LRP1B: variants seen among roughly 807,000 people sequenced by gnomAD.
LRP1B encodes low-density lipoprotein receptor-related protein 1B.
LRP1B carries 217 observed loss-of-function variants against 556.6 expected under a neutral mutation model. The ratio of observed to expected loss-of-function variants is 0.39; its 90% CI spans 0.35 to 0.44. The LOEUF (loss-of-function observed/expected upper bound fraction) is 0.44, where lower values mean the gene tolerates loss of function less well. Ranked by LOEUF, LRP1B falls within the 20% of genes least tolerant of loss-of-function variation. The probability of loss-of-function intolerance (pLI) is 1.00; values close to 1 mark genes in which losing one functional copy is unlikely to be tolerated. For missense variants in LRP1B, 5,053 were observed against 5,620.8 expected (o/e 0.90, Z 3.23); for synonymous variants, 2,047 against 1,865.8 (o/e 1.10, Z -2.50).
At chr2:141,123,594 A>C (rs1198587820) in intron 7 of LRP1B, among the ~76,000 whole-genome samples, 1 of 152,172 alleles carries the variant, frequency 6.6e-6, no homozygotes, top group Non-Finnish European at 1.5e-5. Context: ...ATAATGATTA[A>C]GAGTTATATT....
chr2:140,773,391 C>G (rs12329269), intron 33 of LRP1B, among the ~76,000 whole-genome samples: 53,641 of 151,850 alleles, frequency 0.35, 9,573 homozygotes, highest in African/African-American at 0.42. Flanking sequence ...ACTGCTTGAA[C>G]CCAGGAGACA....
At chr2:140,303,986 A>G (rs1205717073) in intron 83 of LRP1B, among the ~76,000 whole-genome samples, 1 of 152,180 alleles carries the variant, frequency 6.6e-6, no homozygotes, top group Admixed American at 6.5e-5. Flanking sequence ...AAAAGAAATG[A>G]ACTCATCCTT....
At chr2:140,244,640 G>A (rs1034055662) in intron 87 of LRP1B, among the ~76,000 whole-genome samples, 1 of 151,096 alleles carries the variant, frequency 6.6e-6, no homozygotes, top group African/African-American at 2.4e-5. Context: ...AATTCCACAA[G>A]CTGCTTTTAG....
At chr2:140,842,372 C>A (rs1173423615) in intron 29 of LRP1B, among the ~76,000 whole-genome samples, 1 of 152,140 alleles carries the variant, frequency 6.6e-6, no homozygotes, top group African/African-American at 2.4e-5. Context: ...CTCAAGGGAG[C>A]CTACCTTGCT....
intron 2 of LRP1B, among the ~76,000 whole-genome samples, chr2:141,756,848 G>A (rs1694340273): frequency 6.6e-6 from 1 of 152,034 alleles, no homozygotes; most frequent in Admixed American, 6.6e-5. Flanking sequence ...CGTACTCTAT[G>A]ATGTTTCCAC....
intron 1 of LRP1B, among the ~76,000 whole-genome samples, chr2:141,825,799 T>G (rs1696900676): frequency 6.6e-6 from 1 of 152,174 alleles, no homozygotes; most frequent in Admixed American, 6.5e-5. Context: ...AATGTAACAT[T>G]TTAATATTAA....
chr2:141,004,831 A>G (rs1346012739), intron 15 of LRP1B, among the ~76,000 whole-genome samples: 1 of 152,100 alleles, frequency 6.6e-6, no homozygotes, highest in Non-Finnish European at 1.5e-5. Flanking sequence ...GAGAAATGTC[A>G]GCAAAAGTTA....
intron 1 of LRP1B, among the ~76,000 whole-genome samples, chr2:142,122,251 G>T (rs940670010): frequency 6.6e-6 from 1 of 152,090 alleles, no homozygotes; most frequent in Admixed American, 6.6e-5. Context: ...AATGTGCTAA[G>T]ATGTTGGTTC....
At chr2:141,566,967 A>C (rs12621499) in intron 2 of LRP1B, among the ~76,000 whole-genome samples, 1 of 152,052 alleles carries the variant, frequency 6.6e-6, no homozygotes, top group East Asian at 1.9e-4. Flanking sequence ...TAGTTCACTA[A>C]GGGTTATCTT....
chr2:140,610,627 C>G (rs1205856097), intron 41 of LRP1B, among the ~76,000 whole-genome samples: 1 of 152,154 alleles, frequency 6.6e-6, no homozygotes, highest in Non-Finnish European at 1.5e-5. Flanking sequence ...GCTCTGTCGC[C>G]CAGGCTGGAG....
intron 43 of LRP1B, among the ~76,000 whole-genome samples, chr2:140,542,516 A>T (rs555359982): frequency 7.4e-4 from 113 of 152,258 alleles, no homozygotes; most frequent in South Asian, 4.8e-3. Flanking sequence ...AAGGGACTAG[A>T]TTGATCTTTT....
intron 2 of LRP1B, among the ~76,000 whole-genome samples, chr2:141,560,265 C>T (rs943867117): frequency 6.6e-6 from 1 of 151,748 alleles, no homozygotes; most frequent in African/African-American, 2.4e-5. Flanking sequence ...ACTTCATTCT[C>T]CTTTCCCCAA....
intron 1 of LRP1B, among the ~76,000 whole-genome samples, chr2:141,994,850 C>A (rs1264218433): frequency 6.6e-6 from 1 of 152,062 alleles, no homozygotes; most frequent in East Asian, 1.9e-4. Flanking sequence ...AAGTAGCTCC[C>A]AGACATAAAG....
At chr2:141,312,351 AT>A (rs1367586521) in intron 3 of LRP1B, among the ~76,000 whole-genome samples, 3 of 152,174 alleles carry the variant, frequency 2.0e-5, no homozygotes. Context: ...CTTAATTATG[AT>A]TTTTAATAAC....
At chr2:141,155,847 T>C (rs1467332528) in intron 7 of LRP1B, among the ~76,000 whole-genome samples, 1 of 152,186 alleles carries the variant, frequency 6.6e-6, no homozygotes, top group Non-Finnish European at 1.5e-5. Flanking sequence ...AATATTAAAT[T>C]AATATTCATT....
intron 83 of LRP1B, among the ~76,000 whole-genome samples, chr2:140,308,999 G>GAAGA (rs1385871202): frequency 4.6e-5 from 7 of 151,660 alleles, no homozygotes; most frequent in African/African-American, 1.4e-4. Flanking sequence ...TGTCCTTTGT[G>GAAGA]AATCTGTCTT....
intron 3 of LRP1B, among the ~76,000 whole-genome samples, chr2:141,262,276 A>AGTGT (rs58446704): frequency 1.5e-4 from 23 of 149,938 alleles, no homozygotes; most frequent in Non-Finnish European, 3.1e-4. Context: ...AGCGAGACGG[A>AGTGT]GTGTGTGTGT....
At chr2:140,588,293 G>T (rs1419199555) in intron 43 of LRP1B, among the ~76,000 whole-genome samples, 1 of 152,140 alleles carries the variant, frequency 6.6e-6, no homozygotes, top group Non-Finnish European at 1.5e-5. Context: ...ACAAACAGGG[G>T]AGGCTAAAGA....
chr2:140,486,516 A>G (rs544455238), intron 58 of LRP1B, among the ~76,000 whole-genome samples: 7 of 151,934 alleles, frequency 4.6e-5, no homozygotes, highest in Non-Finnish European at 8.8e-5. Flanking sequence ...TTATGTAAAT[A>G]GGTGATTTAA....
Sources: allele counts gnomAD v4.1 joint callset (sites outside exome capture counted in the v4.1 genomes callset), GRCh38; gene constraint gnomAD v4.1.1; transcripts MANE v1.5; gene names NCBI Gene and HGNC (gene_info 2026-07-23, HGNC 2026-07-21).